SKAP2: variants seen among roughly 807,000 people sequenced by gnomAD.
SKAP2 encodes the protein src kinase-associated phosphoprotein 2.
Under a neutral mutation model 54.9 loss-of-function variants are expected in SKAP2, and 28 were observed. The observed-to-expected ratio is 0.51, with a 90% CI of 0.38 to 0.70. SKAP2 has a LOEUF of 0.70. Among genes scored for constraint, SKAP2 ranks in the 30% least tolerant of loss-of-function variants. The probability of loss-of-function intolerance (pLI) is 0.00; values close to 1 mark genes in which losing one functional copy is unlikely to be tolerated. For missense variants in SKAP2, 356 were observed against 424.1 expected (o/e 0.84, Z 1.41); for synonymous variants, 137 against 134.3 (o/e 1.02, Z -0.14).
intron 4 of SKAP2, among the ~76,000 whole-genome samples, chr7:26,781,515 C>T (rs980561327): frequency 3.3e-5 from 5 of 152,154 alleles, no homozygotes. Context: ...GCTGATGAGT[C>T]AACTTTGCAA....
Position 26,710,456 on chromosome 7 carries a change from C to T in SKAP2, c.796+14972G>A, listed in dbSNP as rs949749905. Among the ~76,000 whole-genome samples, 3 of 152,098 alleles carry T rather than the reference C, an allele frequency of 2.0e-5. No individual in the cohort carries two copies. In the South Asian group the frequency reaches 6.2e-4, roughly 32 times the overall value. On this transcript the variant is annotated intron_variant, in intron 9 of 12. Transcript: ENST00000345317. ...CTCTTTTGGGGAGATGGGATTTGAT[C>T]TGGGCCTAGAGAGCAGGGAGGATAT...
At chr7:26,754,997 G>T (rs1034201808) in intron 4 of SKAP2, among the ~76,000 whole-genome samples, 1 of 152,108 alleles carries the variant, frequency 6.6e-6, no homozygotes, top group Non-Finnish European at 1.5e-5. Flanking sequence ...ATTTAGATAT[G>T]GTAAGATCTT....
chr7:26,771,865 C>T (rs3801857), intron 4 of SKAP2, among the ~76,000 whole-genome samples: 45,033 of 151,964 alleles, frequency 0.3, 6,943 homozygotes, highest in Non-Finnish European at 0.34. Flanking sequence ...GAAAACCAGC[C>T]AAGAGAAAGT....
At chr7:26,711,028 A>G (rs1010637478) in intron 9 of SKAP2, among the ~76,000 whole-genome samples, 3 of 152,150 alleles carry the variant, frequency 2.0e-5, no homozygotes, top group Non-Finnish European at 4.4e-5. Flanking sequence ...AAATATAGAG[A>G]ATTTCAAGGG....
intron 4 of SKAP2, among the ~76,000 whole-genome samples, chr7:26,790,452 T>C (rs951206623): frequency 4.6e-5 from 7 of 152,174 alleles, no homozygotes; most frequent in African/African-American, 1.4e-4. Flanking sequence ...CATAAAACAT[T>C]GGTACAGGTA....
intron 4 of SKAP2, among the ~76,000 whole-genome samples, chr7:26,805,385 T>G (rs1471847281): frequency 6.6e-6 from 1 of 152,018 alleles, no homozygotes. Context: ...TTAACACTCC[T>G]CCTTCGAAAG....
intron 4 of SKAP2, among the ~76,000 whole-genome samples, chr7:26,830,269 G>A (rs10225904): frequency 0.21 from 31,981 of 151,858 alleles, 3,395 homozygotes; most frequent in Non-Finnish European, 0.23. Context: ...AACTGAGAGT[G>A]ACTACTCATG....
At chr7:26,765,278 C>A (rs1762085909) in intron 4 of SKAP2, among the ~76,000 whole-genome samples, 1 of 152,098 alleles carries the variant, frequency 6.6e-6, no homozygotes, top group African/African-American at 2.4e-5. Context: ...TATATGTCTT[C>A]TTTTGAGAAG....
chr7:26,727,005 GT>G lies in SKAP2; in HGVS notation c.470del (p.Asp157AlafsTer10). The G allele has an allele frequency of 6.3e-7, 1 of 1,594,678 alleles. No homozygotes were observed. Among genetic ancestry groups the G allele is most frequent in the Non-Finnish European group, 8.5e-7 (1 of 1,171,718 alleles). Reference sequence around the variant, plus strand: ...TTGCAAATTCACCTTTCTGTTGTTTGTCTGTTGAAGATAAAACCAGTTAGAA... The same window carrying G: ...TTGCAAATTCACCTTTCTGTTGTTTGCTGTTGAAGATAAAACCAGTTAGAA... ...TVFYYYGSDK[D>X]KQQKGEFAID... On this transcript the variant is annotated frameshift_variant and splice_region_variant, in exon 7 of 13. Coordinates refer to ENST00000345317, the MANE Select transcript of SKAP2 (RefSeq NM_003930.5). LOFTEE classifies it high-confidence loss of function.
chr7:26,861,959 C>T (rs977266651), intron 1 of SKAP2, among the ~76,000 whole-genome samples: 1 of 151,870 alleles, frequency 6.6e-6, no homozygotes, highest in Non-Finnish European at 1.5e-5. Context: ...AGTTTAGTTC[C>T]TTATCTTCTC....
intron 11 of SKAP2, among the ~76,000 whole-genome samples, chr7:26,677,394 T>TAAA (rs1322136047): frequency 1.5e-3 from 108 of 71,726 alleles, no homozygotes; most frequent in Non-Finnish European, 1.7e-3. Flanking sequence ...TCTGTCTCAA[T>TAAA]AAAAAAAAAA....
chr7:26,770,796 C>T (rs1181031731), intron 4 of SKAP2, among the ~76,000 whole-genome samples: 1 of 152,166 alleles, frequency 6.6e-6, no homozygotes, highest in Non-Finnish European at 1.5e-5. Context: ...CACTGTCTAA[C>T]CAGTCCCAAT....
chr7:26,847,667 CATT>C (rs1228468528), intron 3 of SKAP2, among the ~76,000 whole-genome samples: 1 of 152,250 alleles, frequency 6.6e-6, no homozygotes, highest in East Asian at 1.9e-4. Flanking sequence ...TCTACAGAAT[CATT>C]AGTTGGCAGC....
chr7:26,671,924 A>T (rs568192628), intron 11 of SKAP2, among the ~76,000 whole-genome samples: 1 of 152,200 alleles, frequency 6.6e-6, no homozygotes, highest in Non-Finnish European at 1.5e-5. Context: ...TTAAAGCCTA[A>T]TGCTTAAAAA....
Position 26,864,478 on chromosome 7 carries a change from AC to A in SKAP2, c.-50del. 1 of 1,553,320 alleles carries A rather than the reference AC, an allele frequency of 6.4e-7. No individual in the cohort carries two copies. Among genetic ancestry groups the A allele is most frequent in the African/African-American group, 1.4e-5 (1 of 72,358 alleles). On this transcript the variant is annotated 5_prime_UTR_variant, in exon 1 of 13. Coordinates refer to ENST00000345317, the MANE Select transcript of SKAP2 (RefSeq NM_003930.5). Reference sequence around the variant, plus strand: ...GGAAAGGACCTGCGCTGAAAAGGTGACCGACGGGGTGGGGCTGCGGCTGCGA... The same window carrying A: ...GGAAAGGACCTGCGCTGAAAAGGTGACGACGGGGTGGGGCTGCGGCTGCGA...
At chr7:26,836,745 T>C (rs1784721181) in intron 4 of SKAP2, among the ~76,000 whole-genome samples, 2 of 152,174 alleles carry the variant, frequency 1.3e-5, no homozygotes, top group African/African-American at 4.8e-5. Flanking sequence ...GGTGGGAGTG[T>C]AAATTAGTTC....
At chr7:26,815,859 A>G (rs1457280127) in intron 4 of SKAP2, among the ~76,000 whole-genome samples, 1 of 152,122 alleles carries the variant, frequency 6.6e-6, no homozygotes, top group Non-Finnish European at 1.5e-5. Context: ...TTTTCATCTT[A>G]AGCCCTAGTC....
At chr7:26,787,639 T>C (rs1783580993) in intron 4 of SKAP2, among the ~76,000 whole-genome samples, 1 of 152,130 alleles carries the variant, frequency 6.6e-6, no homozygotes, top group South Asian at 2.1e-4. Context: ...GAAGCTTTTT[T>C]ACTCATGGTG....
At chr7:26,750,132 T>C (rs964710387) in intron 4 of SKAP2, among the ~76,000 whole-genome samples, 8 of 152,100 alleles carry the variant, frequency 5.3e-5, no homozygotes, top group South Asian at 4.1e-4. Flanking sequence ...CCACTGCTGA[T>C]GGAATAAATG....
Sources: allele counts gnomAD v4.1 joint callset (sites outside exome capture counted in the v4.1 genomes callset), GRCh38; gene constraint gnomAD v4.1.1; transcripts MANE v1.5; gene names NCBI Gene and HGNC (gene_info 2026-07-23, HGNC 2026-07-21).